PCDHA8: variants seen among roughly 807,000 people sequenced by gnomAD.
PCDHA8 encodes protocadherin alpha 8, also known as protocadherin alpha-8.
Under a neutral mutation model 61.8 loss-of-function variants are expected in PCDHA8, and 53 were observed. The ratio of observed to expected loss-of-function variants is 0.86; its 90% CI spans 0.69 to 1.08. The LOEUF (loss-of-function observed/expected upper bound fraction) is 1.08. Among genes scored for constraint, PCDHA8 ranks in the 50% least tolerant of loss-of-function variants. PCDHA8 has a pLI of 0.00. For missense variants in PCDHA8, 1,293 were observed against 1,245.0 expected (o/e 1.04, Z -0.58); for synonymous variants, 618 against 556.6 (o/e 1.11, Z -1.55).
intron 1 of PCDHA8, chr5:140,875,336 G>T: frequency 7.0e-7 from 1 of 1,438,564 alleles, no homozygotes; most frequent in Non-Finnish European, 9.1e-7. Context: ...GAATAGGATC[G>T]ACTCCATAAT....
intron 1 of PCDHA8, among the ~76,000 whole-genome samples, chr5:140,895,783 A>G (rs750912902): frequency 2.1e-4 from 32 of 152,122 alleles, no homozygotes; most frequent in Non-Finnish European, 3.8e-4. Context: ...ATAGTATTCA[A>G]TGACGTATAT....
At chr5:141,005,153 C>G (rs1408163088) in intron 3 of PCDHA8, among the ~76,000 whole-genome samples, 1 of 152,194 alleles carries the variant, frequency 6.6e-6, no homozygotes, top group East Asian at 1.9e-4. Flanking sequence ...GTTTGGTCTG[C>G]TAAAGAGTGG....
At chr5:140,909,907 A>C (rs1554194005) in intron 1 of PCDHA8, among the ~76,000 whole-genome samples, 1 of 152,168 alleles carries the variant, frequency 6.6e-6, no homozygotes, top group African/African-American at 2.4e-5. Flanking sequence ...CTGAAATGGC[A>C]ATCATTTCCC....
intron 1 of PCDHA8, among the ~76,000 whole-genome samples, chr5:140,964,891 G>A (rs76642459): frequency 0.016 from 2,494 of 152,302 alleles, 68 homozygotes; most frequent in African/African-American, 0.056. Context: ...AGTGATAGGA[G>A]GCTGGGCGCT....
intron 1 of PCDHA8, among the ~76,000 whole-genome samples, chr5:140,879,490 C>T (rs2058010245): frequency 2.0e-5 from 3 of 152,090 alleles, no homozygotes; most frequent in Admixed American, 2.0e-4. Flanking sequence ...AAATATGGGT[C>T]TGGATCTCAG....
At position 140,842,273 on chromosome 5, in the gene PCDHA8, A is replaced by G; in HGVS notation, c.952A>G (p.Ile318Val). Residue 318 changes from isoleucine (I) to valine (V), a missense_variant, in exon 1 of 4, where the codon ATC becomes GTC. Coordinates refer to ENST00000531613, the MANE Select transcript of PCDHA8 (RefSeq NM_018911.3). ...TTTTGAACAAGAAAACTTATACAAAATCCTCATTGACGCCACGGACAAAGG... is the reference window on the plus strand; with the variant it reads ...TTTTGAACAAGAAAACTTATACAAAGTCCTCATTGACGCCACGGACAAAGG... Reference protein sequence around the residue: ...LDFEQENLYKILIDATDKGHP... With the variant: ...LDFEQENLYKVLIDATDKGHP... The G allele has an allele frequency of 6.2e-7, 1 of 1,610,790 alleles. No individual in the cohort carries two copies. The highest frequency in any genetic ancestry group is 8.5e-7 in the Non-Finnish European group (1 of 1,177,206).
chr5:140,877,730 A>G (rs782465464), intron 1 of PCDHA8: 1 of 1,614,146 alleles, frequency 6.2e-7, no homozygotes, highest in Non-Finnish European at 8.5e-7. Flanking sequence ...TACTCGCAGC[A>G]GAGGAGGCAG....
At chr5:140,936,875 C>T (rs1052156307) in intron 1 of PCDHA8, among the ~76,000 whole-genome samples, 13 of 151,832 alleles carry the variant, frequency 8.6e-5, no homozygotes, top group Non-Finnish European at 1.5e-5. Flanking sequence ...TTTAAAAAAC[C>T]CTGCTTTGAT....
intron 1 of PCDHA8, chr5:140,876,174 T>A: frequency 6.2e-7 from 1 of 1,613,934 alleles, no homozygotes; most frequent in Non-Finnish European, 8.5e-7. Context: ...CCGTCCTGGA[T>A]GTGAATGACA....
chr5:140,881,039 A>G (rs1554171692), intron 1 of PCDHA8, among the ~76,000 whole-genome samples: 1 of 152,262 alleles, frequency 6.6e-6, no homozygotes, highest in Non-Finnish European at 1.5e-5. Context: ...CATTTCCTAT[A>G]GAGTTGTGCA....
chr5:140,977,974 A>G (rs2096783738), intron 1 of PCDHA8, among the ~76,000 whole-genome samples: 1 of 152,182 alleles, frequency 6.6e-6, no homozygotes, highest in African/African-American at 2.4e-5. Context: ...CCGCCCATGA[A>G]AACGCATCTA....
chr5:140,875,929 C>T (rs1554168093), intron 1 of PCDHA8: 4 of 1,614,154 alleles, frequency 2.5e-6, no homozygotes, highest in East Asian at 2.2e-5. Context: ...CTCTCATTTT[C>T]CTCTAGAGGG....
In PCDHA8 at chr5:140,842,887, G is replaced by A; in HGVS notation, c.1566G>A (p.Pro522=). Residue 522 remains proline, a synonymous_variant, in exon 1 of 4, where the codon CCG becomes CCA. Transcript: ENST00000531613. Reference sequence around the variant, plus strand: ...GCGGCAAGGTGTACGCGCTGCAGCCGCTGGACCACGAGGAGCTAGAGCTGC... The same window carrying A: ...GCGGCAAGGTGTACGCGCTGCAGCCACTGGACCACGAGGAGCTAGAGCTGC... ...TESGKVYALQ[P]LDHEELELLQ... 6.3e-7 allele frequency: 1 copy of A among 1,594,194 alleles called. No homozygotes were observed. Among genetic ancestry groups the A allele is most frequent in the Non-Finnish European group, 8.6e-7 (1 of 1,165,444 alleles).
chr5:140,972,295 G>A (rs551210883), intron 1 of PCDHA8, among the ~76,000 whole-genome samples: 2 of 151,388 alleles, frequency 1.3e-5, no homozygotes, highest in South Asian at 2.1e-4. Context: ...GTGCGCCACC[G>A]TGTCTGACTA....
intron 1 of PCDHA8, chr5:140,877,600 C>G (rs1554169914): frequency 6.2e-7 from 1 of 1,613,878 alleles, no homozygotes; most frequent in Admixed American, 1.7e-5. Context: ...GGTGTCCAGC[C>G]TGCTGGTGCT....
At chr5:140,925,217 G>T (rs1217593393) in intron 1 of PCDHA8, among the ~76,000 whole-genome samples, 1 of 152,154 alleles carries the variant, frequency 6.6e-6, no homozygotes, top group Non-Finnish European at 1.5e-5. Flanking sequence ...ATACTTTTAG[G>T]CAGGTTTCTA....
At chr5:140,995,543 G>T (rs1243799532) in intron 3 of PCDHA8, among the ~76,000 whole-genome samples, 1 of 152,144 alleles carries the variant, frequency 6.6e-6, no homozygotes, top group African/African-American at 2.4e-5. Flanking sequence ...AATAAGGGGC[G>T]ATCACTGTAC....
intron 1 of PCDHA8, among the ~76,000 whole-genome samples, chr5:140,942,287 G>A (rs1468201947): frequency 1.3e-5 from 2 of 152,102 alleles, no homozygotes; most frequent in African/African-American, 4.8e-5. Context: ...GCTCATGCCT[G>A]TAATCCTAGC....
intron 1 of PCDHA8, among the ~76,000 whole-genome samples, chr5:140,886,261 T>C (rs1162814294): frequency 1.3e-5 from 2 of 152,036 alleles, no homozygotes; most frequent in African/African-American, 4.8e-5. Context: ...TCTCTATTTA[T>C]AGATAAAATT....
Sources: gnomAD v4.1 joint callset for allele counts (sites outside exome capture counted in the v4.1 genomes callset) on GRCh38, gnomAD v4.1.1 for gene constraint, MANE v1.5 for transcripts, NCBI Gene and HGNC (gene_info 2026-07-23, HGNC 2026-07-21) for gene names.